UTRN: variants seen among roughly 807,000 people sequenced by gnomAD.
UTRN encodes the protein utrophin, also known as dystrophin-related protein 1.
UTRN carries 283 observed loss-of-function variants against 463.9 expected under a neutral mutation model. That is an observed-to-expected ratio of 0.61 (90% CI 0.55 to 0.67). The LOEUF is 0.67. Ranked by LOEUF, UTRN falls within the 30% of genes least tolerant of loss-of-function variation. The pLI is 0.00. For missense variants in UTRN, 3,922 were observed against 4,084.3 expected, an observed-to-expected ratio of 0.96 and a Z score of 1.08; for synonymous variants, 1,442 against 1,431.5, an observed-to-expected ratio of 1.01 and a Z score of -0.17.
chr6:144,593,254 A>T (rs1343468260), intron 51 of UTRN, among the ~76,000 whole-genome samples: 1 of 152,168 alleles, frequency 6.6e-6, no homozygotes, highest in Non-Finnish European at 1.5e-5. Flanking sequence ...AGATTTTTTG[A>T]AAGAAAAGTA....
chr6:144,422,065 T>A, intron 4 of UTRN, 95 bp downstream of exon 4: 1 of 948,266 alleles, frequency 1.1e-6, no homozygotes, highest in South Asian at 2.0e-5. Context: ...AGTATCCATT[T>A]TACTTTACGT....
intron 52 of UTRN, among the ~76,000 whole-genome samples, chr6:144,689,874 C>G (rs1464857298): frequency 6.6e-6 from 1 of 151,906 alleles, no homozygotes; most frequent in Admixed American, 6.6e-5. Context: ...ACAAGTTTTC[C>G]CCTTCCTGGT....
chr6:144,403,328 A>T, intron 3 of UTRN, 144 bp downstream of exon 3: 3 of 713,108 alleles, frequency 4.2e-6, no homozygotes, highest in South Asian at 1.7e-5. Flanking sequence ...TTGTTCCTTT[A>T]TTCTGTCCTA....
chr6:144,628,809 C>T (rs1408702861), intron 51 of UTRN, among the ~76,000 whole-genome samples: 1 of 152,098 alleles, frequency 6.6e-6, no homozygotes, highest in Non-Finnish European at 1.5e-5. Flanking sequence ...CGATTCACAA[C>T]TCTCATCTCT....
At chr6:144,316,166 A>G (rs759026138) in intron 2 of UTRN, among the ~76,000 whole-genome samples, 2 of 152,218 alleles carry the variant, frequency 1.3e-5, no homozygotes, top group Non-Finnish European at 2.9e-5. Context: ...GCTGGGAAAC[A>G]CAGTGAGACC....
rs117860265 is a variant in UTRN, at chr6:144,809,984, A to T, written c.9357+6837A>T. On this transcript the variant is annotated intron_variant, in intron 65 of 74. Coordinates refer to ENST00000367545, the MANE Select transcript of UTRN (RefSeq NM_007124.3). ...GGAAGAGAAGACCCAAAGAAACGGA[A>T]GCCTGTGTATTTTTATGCTTAGGTT... Among the ~76,000 whole-genome samples, 279 of 152,288 alleles carry T rather than the reference A, an allele frequency of 1.8e-3. 7 individuals are homozygous for T. In the East Asian group the frequency reaches 0.051, roughly 28 times the overall value.
rs573828281 is a variant in UTRN, at chr6:144,679,997, T to A, written c.7652+1419T>A. Among the ~76,000 whole-genome samples, 13 of 152,260 alleles carry A rather than the reference T, an allele frequency of 8.5e-5. No individual in the cohort carries two copies. In the South Asian group the frequency reaches 2.5e-3, roughly 29 times the overall value. ...AGTTCTATGTAGTGAGGGATTATAC[T>A]TTTTTAAGATTTGAATTTTCAACTG... On this transcript the variant is annotated intron_variant, in intron 52 of 74. Coordinates refer to ENST00000367545, the MANE Select transcript of UTRN (RefSeq NM_007124.3).
intron 2 of UTRN, among the ~76,000 whole-genome samples, chr6:144,323,637 A>G (rs1775801131): frequency 6.6e-6 from 1 of 152,194 alleles, no homozygotes; most frequent in African/African-American, 2.4e-5. Context: ...AGAACACTTT[A>G]TTAAAATTTC....
At chr6:144,381,512 C>G (rs1379692656) in intron 2 of UTRN, among the ~76,000 whole-genome samples, 1 of 152,192 alleles carries the variant, frequency 6.6e-6, no homozygotes, top group Non-Finnish European at 1.5e-5. Context: ...GGTGTATACC[C>G]TGATATGGCT....
chr6:144,551,234 A>G (rs997778489), intron 48 of UTRN, 152 bp downstream of exon 48: 2 of 544,734 alleles, frequency 3.7e-6, no homozygotes, highest in Middle Eastern at 9.9e-4. Context: ...CTCTTTATTT[A>G]TACAGAAATG....
intron 2 of UTRN, chr6:144,398,147 G>A: frequency 4.1e-6 from 1 of 246,586 alleles, no homozygotes; most frequent in Non-Finnish European, 8.4e-6. Flanking sequence ...CGTTTTCCCT[G>A]TTCCCTGGGG....
rs1795601510 is a variant in UTRN, at chr6:144,516,269, C to A, written c.5285C>A (p.Thr1762Asn). 1.2e-6 allele frequency: 2 copies of A among 1,613,718 alleles called. No homozygotes were observed. Among genetic ancestry groups the A allele is most frequent in the Non-Finnish European group, 1.7e-6 (2 of 1,179,894 alleles). Residue 1762 changes from threonine (T) to asparagine (N), a missense_variant, in exon 38 of 75, where the codon ACC (threonine) becomes AAC (asparagine). Physicochemically the swap from Thr to Asn is moderately conservative, Grantham distance 65. Around this residue, in one of 3 missense-constraint regions of UTRN, gnomAD observed 2,349 missense variants for 2,303.8 expected, o/e 1.02. Transcript: ENST00000367545. Reference sequence around the variant, plus strand: ...GAACCATTATACCAATGTTTGGTCACCACTGAAACATTTGAAACTGGTGTG... The same window carrying A: ...GAACCATTATACCAATGTTTGGTCAACACTGAAACATTTGAAACTGGTGTG... ...AQEPLYQCLV[T>N]TETFETGVPF...
chr6:144,414,233 T>C (rs1037003649), intron 3 of UTRN, among the ~76,000 whole-genome samples: 1 of 152,144 alleles, frequency 6.6e-6, no homozygotes, highest in African/African-American at 2.4e-5. Context: ...CCATGTATGT[T>C]ATTGCCCCTG....
intron 51 of UTRN, among the ~76,000 whole-genome samples, chr6:144,633,541 AT>A (rs1359581637): frequency 3.3e-5 from 5 of 152,192 alleles, no homozygotes; most frequent in African/African-American, 1.2e-4. Flanking sequence ...CTGCTTCTCC[AT>A]TTTGTTCACA....
intron 23 of UTRN, among the ~76,000 whole-genome samples, chr6:144,466,069 C>T (rs1314017281): frequency 6.6e-6 from 1 of 152,192 alleles, no homozygotes; most frequent in Admixed American, 6.5e-5. Flanking sequence ...GATCCTTGTA[C>T]ATACAAGTTA....
intron 35 of UTRN, among the ~76,000 whole-genome samples, chr6:144,513,628 G>A (rs1225791998): frequency 1.3e-5 from 2 of 152,168 alleles, no homozygotes; most frequent in Non-Finnish European, 2.9e-5. Context: ...AGATGAACTT[G>A]CATTGAAATT....
In UTRN at chr6:144,793,773, A is replaced by G. The variant is rs199980784; in HGVS notation, c.8921-61A>G. 2.4e-3 allele frequency: 3,718 copies of G among 1,566,876 alleles called. 12 individuals carry two copies. The highest frequency in any genetic ancestry group is 3.0e-3 in the Non-Finnish European group (3,464 of 1,156,246). On this transcript the variant is annotated intron_variant, in intron 62 of 74. Transcript: ENST00000367545. The stretch of plus-strand genomic sequence containing the variant: ...TGGTTCAGTCCACATTACCAAAGAT[A>G]TATTTTAAGTAAAAGAACATGGTAG...
chr6:144,290,494 T>C (rs1212965073), intron 1 of UTRN, among the ~76,000 whole-genome samples: 3 of 151,356 alleles, frequency 2.0e-5, no homozygotes, highest in African/African-American at 7.3e-5. Context: ...GTGTAGATGA[T>C]GTGGTGATTT....
intron 20 of UTRN, 54 bp from the exon 21 acceptor site, chr6:144,459,120 C>G: frequency 6.3e-7 from 1 of 1,581,970 alleles, no homozygotes; most frequent in South Asian, 1.2e-5. Flanking sequence ...GATTAACTTC[C>G]TGTGAGGATG....
Sources: allele counts gnomAD v4.1 joint callset (sites outside exome capture counted in the v4.1 genomes callset), GRCh38; gene constraint gnomAD v4.1.1; regional missense constraint gnomAD v4.1.1; transcripts MANE v1.5; gene names NCBI Gene and HGNC (gene_info 2026-07-23, HGNC 2026-07-21).